The following PRELID2 variants were observed in gnomAD, a reference collection of about 807,000 sequenced individuals.
PRELID2 encodes PRELI domain containing 2, also known as PRELI domain-containing protein 2.
PRELID2 carries 25 observed loss-of-function variants against 28.4 expected under a neutral mutation model. The observed-to-expected ratio is 0.88, with a 90% CI of 0.64 to 1.23. The LOEUF is 1.23. Among genes scored for constraint, PRELID2 ranks in the 50% most tolerant of loss-of-function variants. The probability of loss-of-function intolerance (pLI) is 0.00; values close to 1 mark genes in which losing one functional copy is unlikely to be tolerated. For missense variants in PRELID2, 201 were observed against 214.4 expected (o/e 0.94, Z 0.39); for synonymous variants, 76 against 71.6 (o/e 1.06, Z -0.31).
intron 1 of PRELID2, among the ~76,000 whole-genome samples, chr5:145,644,465 G>T (rs1754163730): frequency 2.0e-5 from 3 of 151,170 alleles, no homozygotes; most frequent in Non-Finnish European, 2.9e-5. Context: ...AAAAAAAACA[G>T]CTCCTGGATT....
the PRELID2 span, among the ~76,000 whole-genome samples, chr5:145,280,431 C>T: frequency 6.6e-6 from 1 of 152,014 alleles, no homozygotes; most frequent in East Asian, 1.9e-4. Context: ...GTATGGCGTG[C>T]ATTAACTGAA....
the PRELID2 span, among the ~76,000 whole-genome samples, chr5:145,323,415 T>A: frequency 5.9e-5 from 9 of 152,322 alleles, no homozygotes; most frequent in African/African-American, 1.4e-4. Context: ...GTGATCAGAC[T>A]TGTATTTTTT....
At position 145,767,899 on chromosome 5, in the gene PRELID2, T is replaced by C. The variant is rs1757865016; in HGVS notation, c.475-2899A>G. Among the ~76,000 whole-genome samples the C allele has an allele frequency of 2.0e-5, 3 of 152,268 alleles. No individual in the cohort carries two copies. The South Asian group carries it at 6.2e-4, about 32-fold the overall frequency. ...CTTAATCATTTCTGAAGATATAGTA[T>C]ATACTACACTCTTAAGAGGTACCTT... On this transcript the variant is annotated intron_variant, in intron 5 of 6. Transcript: ENST00000683046.
chr5:145,296,461 G>A, the PRELID2 span, among the ~76,000 whole-genome samples: 1 of 150,588 alleles, frequency 6.6e-6, no homozygotes, highest in Non-Finnish European at 1.5e-5. Context: ...TTGTTCTTGT[G>A]ATAGTTTACT....
rs141010105 is a variant in PRELID2 at position 145,532,454 on chromosome 5, C to T, written n.71-59139G>A. Among the ~76,000 whole-genome samples the T allele has an allele frequency of 4.6e-5, 7 of 152,204 alleles. No homozygotes were observed. The East Asian group carries it at 1.4e-3, about 29-fold the overall frequency. On this transcript the variant is annotated intron_variant and non_coding_transcript_variant, in intron 1 of 2. Transcript: ENST00000510259. The stretch of plus-strand genomic sequence containing the variant: ...GCTCATTAACAAATCAATTACCTCA[C>T]ATCCTTATCATTTTCTGTGATGAGA...
chr5:145,335,962 G>A, the PRELID2 span, among the ~76,000 whole-genome samples: 1,238 of 152,190 alleles, frequency 8.1e-3, 11 homozygotes, highest in Middle Eastern at 0.048. Flanking sequence ...AATGATTGCC[G>A]TTCTAACTGG....
chr5:145,740,265 AATAT>A (rs70998029), intron 1 of PRELID2, among the ~76,000 whole-genome samples: 974 of 40,164 alleles, frequency 0.024, 14 homozygotes, highest in Non-Finnish European at 0.033. Context: ...GGATTTATCA[AATAT>A]ATATATATAT....
the PRELID2 span, among the ~76,000 whole-genome samples, chr5:145,387,431 T>G: frequency 1.3e-5 from 2 of 152,140 alleles, no homozygotes; most frequent in Admixed American, 6.5e-5. Flanking sequence ...TTACATTAGT[T>G]AAGAAAAGAG....
At chr5:145,243,811 T>C in the PRELID2 span, among the ~76,000 whole-genome samples, 1 of 152,154 alleles carries the variant, frequency 6.6e-6, no homozygotes, top group Non-Finnish European at 1.5e-5. Context: ...ATTATTATTT[T>C]ATAAATGTTC....
chr5:145,495,409 CCAAGCT>C (rs2126629697), intron 1 of PRELID2, among the ~76,000 whole-genome samples: 1 of 152,290 alleles, frequency 6.6e-6, no homozygotes, highest in South Asian at 2.1e-4. Context: ...TTTAGTCAAT[CCAAGCT>C]TTCTTCCAAC....
intron 1 of PRELID2, among the ~76,000 whole-genome samples, chr5:145,524,079 AG>A (rs1752586919): frequency 6.6e-6 from 1 of 152,136 alleles, no homozygotes; most frequent in Admixed American, 6.6e-5. Flanking sequence ...CTGAAATCCC[AG>A]GTCAGCTCCT....
rs556300767 is a variant in PRELID2, at chr5:145,727,882, G to C, written n.70+37049C>G. ...CAACATTCAGGGCATGTAATAAAGT[G>C]TGTATTTATATCAAGAGTAACATTT... On this transcript the variant is annotated intron_variant and non_coding_transcript_variant, in intron 1 of 2. Transcript: ENST00000510259. Among the ~76,000 whole-genome samples the C allele has an allele frequency of 2.6e-5, 4 of 152,312 alleles. 1 individual carries two copies. In the South Asian group the frequency reaches 8.3e-4, roughly 32 times the overall value.
At chr5:145,376,451 G>A in the PRELID2 span, among the ~76,000 whole-genome samples, 3 of 152,008 alleles carry the variant, frequency 2.0e-5, no homozygotes, top group Non-Finnish European at 4.4e-5. Context: ...CAATTTTTTT[G>A]TAATAGCTTC....
At chr5:145,819,350 A>G in intron 3 of PRELID2, 6 of 1,521,984 alleles carry the variant, frequency 3.9e-6, no homozygotes, top group Non-Finnish European at 4.6e-6. Context: ...TCTATGGGTC[A>G]AGCAATGTGA....
the PRELID2 span, among the ~76,000 whole-genome samples, chr5:145,333,055 G>A: frequency 1.3e-5 from 2 of 152,150 alleles, no homozygotes; most frequent in Admixed American, 6.5e-5. Context: ...GAGTTTGCTG[G>A]ATGTCGACTC....
At chr5:145,665,455 T>A (rs1056520176) in intron 1 of PRELID2, among the ~76,000 whole-genome samples, 11 of 152,112 alleles carry the variant, frequency 7.2e-5, no homozygotes, top group Non-Finnish European at 1.2e-4. Context: ...CCATAGCCTC[T>A]AAGTCAACTT....
the PRELID2 span, among the ~76,000 whole-genome samples, chr5:145,369,962 T>A: frequency 4.7e-3 from 684 of 146,782 alleles, 2 homozygotes; most frequent in African/African-American, 0.016. Context: ...TTTAATGGGT[T>A]TTTTTTTTGT....
At chr5:145,421,601 G>T in the PRELID2 span, among the ~76,000 whole-genome samples, 1 of 137,894 alleles carries the variant, frequency 7.3e-6, no homozygotes, top group Non-Finnish European at 1.6e-5. Flanking sequence ...ATTTTTTATT[G>T]CGTCTATTTG....
chr5:145,289,784 A>G, the PRELID2 span, among the ~76,000 whole-genome samples: 1 of 152,128 alleles, frequency 6.6e-6, no homozygotes, highest in Non-Finnish European at 1.5e-5. Context: ...TTATCTTGTT[A>G]ATTTTAGCCA....
Sources: gnomAD v4.1 joint callset for allele counts (sites outside exome capture counted in the v4.1 genomes callset) on GRCh38, gnomAD v4.1.1 for gene constraint, MANE v1.5 for transcripts, NCBI Gene and HGNC (gene_info 2026-07-23, HGNC 2026-07-21) for gene names.